SMPD4: variants seen among roughly 807,000 people sequenced by gnomAD.
The protein encoded by SMPD4 is sphingomyelin phosphodiesterase 4.
Under a neutral mutation model 97.8 loss-of-function variants are expected in SMPD4, and 58 were observed. That is an observed-to-expected ratio of 0.59 (90% CI 0.48 to 0.74). The LOEUF is 0.74. Ranked by LOEUF, SMPD4 falls within the 30% of genes least tolerant of loss-of-function variation. The pLI is 0.00. For synonymous variants in SMPD4, 388 were observed against 450.0 expected (o/e 0.86, Z 1.74); for missense variants, 853 against 1,080.5 (o/e 0.79, Z 2.95).
chr2:130,169,564 CTTTT>C (rs749873351), intron 8 of SMPD4, among the ~76,000 whole-genome samples: 3 of 143,512 alleles, frequency 2.1e-5, no homozygotes. Flanking sequence ...ATGAAAGTTT[CTTTT>C]TTTTTTTTTT....
chr2:130,171,123 ATAATTTCTTTTC>A (rs1299632029), intron 8 of SMPD4, among the ~76,000 whole-genome samples: 1 of 132,788 alleles, frequency 7.5e-6, no homozygotes, highest in African/African-American at 3.4e-5. Context: ...CCATATATAT[ATAATTTCTTTTC>A]TTTTTTTTTT....
intron 8 of SMPD4, among the ~76,000 whole-genome samples, chr2:130,169,453 C>T: frequency 6.6e-6 from 1 of 151,972 alleles, no homozygotes; most frequent in Non-Finnish European, 1.5e-5. Context: ...TATCCTGTAG[C>T]TTACTCATAT....
At chr2:130,172,299 C>G (rs1423096445) in intron 8 of SMPD4, 50 bp downstream of exon 8, 1 of 1,496,624 alleles carries the variant, frequency 6.7e-7, no homozygotes. Flanking sequence ...TGCAAGTGAC[C>G]AGGCCACTCC....
chr2:130,153,080 C>T lies in SMPD4; in HGVS notation c.2117G>A (p.Arg706His), dbSNP rs369700397. The T allele has an allele frequency of 2.5e-5, 41 of 1,613,016 alleles. No homozygotes were observed. The highest frequency in any genetic ancestry group is 1.9e-4 in the Middle Eastern group (1 of 5,372). ...IRSYEIASLV[R>H]TLFRLSSAIN... ...GGCAGACGACAGCCTAAAGAGTGTGCGGACCAAGCTGGCGATCTCATAGCT... is the reference window on the plus strand; with the variant it reads ...GGCAGACGACAGCCTAAAGAGTGTGTGGACCAAGCTGGCGATCTCATAGCT... Residue 706 changes from arginine (R) to histidine (H), a missense_variant, in exon 19 of 20, where the codon CGC becomes CAC. Coordinates refer to ENST00000680298, the MANE Select transcript of SMPD4 (RefSeq NM_017951.5).
chr2:130,152,492 T>C lies in SMPD4; in HGVS notation c.*63A>G. ...TCCTGGAGGGGCTTCCCAGGTCCTC[T>C]CAGCCCAAGGGTGGGGCTGTGTGGC... is the stretch of plus-strand genomic sequence containing the variant. On this transcript the variant is annotated 3_prime_UTR_variant, in exon 20 of 20. Transcript: ENST00000680298. The C allele has an allele frequency of 6.9e-7, 1 of 1,445,198 alleles. No homozygotes were observed. The highest frequency in any genetic ancestry group is 1.4e-5 in the African/African-American group (1 of 70,538). 89.5% of individuals were successfully genotyped at this position (1,445,198 alleles called of 1,614,324 possible).
intron 1 of SMPD4, among the ~76,000 whole-genome samples, chr2:130,180,706 A>C (rs1408555729): frequency 6.6e-6 from 1 of 152,370 alleles, no homozygotes. Context: ...GTAAGTGCGG[A>C]GCTCTAGAGA....
chr2:130,156,331 C>G (rs913766077), intron 13 of SMPD4, 196 bp from the exon 14 acceptor site: 4 of 667,808 alleles, frequency 6.0e-6, no homozygotes, highest in Non-Finnish European at 1.0e-5. Flanking sequence ...TTTTCCCAGC[C>G]CAGGGGGCAG....
intron 1 of SMPD4, among the ~76,000 whole-genome samples, chr2:130,177,960 T>C (rs944326781): frequency 2.2e-4 from 33 of 152,194 alleles, no homozygotes; most frequent in African/African-American, 8.0e-4. Flanking sequence ...ATTTTGCACA[T>C]CCAATTAGAG....
At chr2:130,170,123 T>C (rs935067467) in intron 8 of SMPD4, among the ~76,000 whole-genome samples, 6 of 152,088 alleles carry the variant, frequency 3.9e-5, no homozygotes, top group African/African-American at 1.4e-4. Context: ...GAGTGATGAT[T>C]GTGCCACCAA....
chr2:130,174,935 G>A lies in SMPD4; in HGVS notation c.105C>T (p.Val35=). 6.2e-7 allele frequency: 1 copy of A among 1,607,516 alleles called. No homozygotes were observed. The highest frequency in any genetic ancestry group is 8.5e-7 in the Non-Finnish European group (1 of 1,174,378). The part of the protein sequence containing the change: ...FAQQCQDLVK[V]IEDFPAKELH... ...ATACCTTTGCTGGAAAGTCCTCAAT[G>A]ACTTTAACCAAGTCTTGGCACTGCT... The change falls in exon 3 of 20, where the codon GTC becomes GTT. Residue 35 remains valine, a synonymous_variant. Transcript: ENST00000680298.
At position 130,173,562 on chromosome 2, in the gene SMPD4, C is replaced by T. The variant is rs781097935; in HGVS notation, c.221G>A (p.Arg74His). 2.7e-5 allele frequency: 44 copies of T among 1,613,232 alleles called. No individual in the cohort carries two copies. Among genetic ancestry groups the T allele is most frequent in the East Asian group, 4.5e-5 (2 of 44,890 alleles). ...VGWNLRCLQG[R>H]VNPVEYSIVM... ...GATGCTGTACTCCACAGGATTCACG[C>T]GCCCCTGTAAGCAGCGGAGGTTCCA... Residue 74 changes from arginine to histidine, a missense_variant, in exon 4 of 20, where the codon CGC becomes CAC. Arg to His is a conservative substitution (Grantham distance 29). Transcript: ENST00000680298.
At chr2:130,159,951 G>A (rs1269566826) in intron 11 of SMPD4, among the ~76,000 whole-genome samples, 4 of 152,202 alleles carry the variant, frequency 2.6e-5, no homozygotes, top group African/African-American at 9.7e-5. Context: ...GCCGCCGGCA[G>A]TCACATGGAA....
intron 11 of SMPD4, among the ~76,000 whole-genome samples, chr2:130,159,009 C>CT (rs1007243311): frequency 1.4e-4 from 22 of 151,892 alleles, no homozygotes; most frequent in Non-Finnish European, 2.4e-4. Context: ...GAGGCATTTT[C>CT]TTTTTTTTGA....
At chr2:130,165,713 G>A (rs1573700173) in intron 9 of SMPD4, among the ~76,000 whole-genome samples, 1 of 152,162 alleles carries the variant, frequency 6.6e-6, no homozygotes, top group Non-Finnish European at 1.5e-5. Flanking sequence ...GCTGGGTGGG[G>A]AATTGTTTAA....
At chr2:130,181,411 G>A in intron 1 of SMPD4, 119 bp downstream of exon 1, 4 of 1,491,508 alleles carry the variant, frequency 2.7e-6, no homozygotes, top group African/African-American at 1.4e-5. Context: ...TGCCTGGGCA[G>A]AGCCGGCTGG....
In SMPD4 at chr2:130,153,840, G is replaced by A; in HGVS notation, c.1755C>T (p.Leu585=). ...CCATGGAGCTAAAGCCCAGCCATGA[G>A]AGGAAGGAGTGGCCAGCCGGGCTCT... is the stretch of plus-strand genomic sequence containing the variant. ...CAESPAGHSF[L]SWLGFSSMDT... Residue 585 remains leucine (L), a synonymous_variant, in exon 17 of 20, where the codon CTC becomes CTT. Coordinates refer to ENST00000680298, the MANE Select transcript of SMPD4 (RefSeq NM_017951.5). The A allele has an allele frequency of 6.2e-7, 1 of 1,613,976 alleles. No homozygotes were observed. Among genetic ancestry groups the A allele is most frequent in the Non-Finnish European group, 8.5e-7 (1 of 1,179,880 alleles).
At chr2:130,157,090 G>A (rs1686881983) in intron 12 of SMPD4, among the ~76,000 whole-genome samples, 161 bp downstream of exon 12, 1 of 152,134 alleles carries the variant, frequency 6.6e-6, no homozygotes, top group Admixed American at 6.5e-5. Context: ...GGGGTGAGAG[G>A]ACACCTGCCT....
chr2:130,169,510 C>A (rs1188565244), intron 8 of SMPD4, among the ~76,000 whole-genome samples: 1 of 151,552 alleles, frequency 6.6e-6, no homozygotes, highest in African/African-American at 2.4e-5. Context: ...GAAACCAACA[C>A]ATGCAGCAAA....
At position 130,152,090 on chromosome 2, in the gene SMPD4, G is replaced by T; in HGVS notation, c.*465C>A. The T allele has an allele frequency of 6.3e-6, 1 of 157,806 alleles. No individual in the cohort carries two copies. The highest frequency in any genetic ancestry group is 1.4e-5 in the Non-Finnish European group (1 of 71,566). The allele number at this position is 157,806 out of a possible 1,614,324, so 9.8% of individuals were successfully genotyped here. ...CTAGAAACTTTGATTCTTTCCTGGA[G>T]TGGAGACTTAAGCCACTGTCCTGGT... is the stretch of plus-strand genomic sequence containing the variant. On this transcript the variant is annotated 3_prime_UTR_variant, in exon 20 of 20. Transcript: ENST00000680298.
Sources: allele counts gnomAD v4.1 joint callset (sites outside exome capture counted in the v4.1 genomes callset), GRCh38; gene constraint gnomAD v4.1.1; transcripts MANE v1.5; gene names NCBI Gene and HGNC (gene_info 2026-07-23, HGNC 2026-07-21).